The following LRRC37A2 variants were observed in gnomAD, a reference collection of about 807,000 sequenced individuals.
LRRC37A2 encodes the protein leucine rich repeat containing 37 member A2.
Under a neutral mutation model 68.8 loss-of-function variants are expected in LRRC37A2, and 9 were observed. The ratio of observed to expected loss-of-function variants is 0.13; its 90% CI spans 0.08 to 0.23. The LOEUF (loss-of-function observed/expected upper bound fraction) is 0.23, where lower values mean the gene tolerates loss of function less well. Ranked by LOEUF, LRRC37A2 falls within the 10% of genes least tolerant of loss-of-function variation. The pLI is 1.00. For missense variants in LRRC37A2, 168 were observed against 950.4 expected (o/e 0.18, Z 10.82); for synonymous variants, 63 against 367.6 (o/e 0.17, Z 9.48).
the LRRC37A2 span, among the ~76,000 whole-genome samples, chr17:46,901,150 T>C: frequency 1.3e-5 from 2 of 151,964 alleles, no homozygotes; most frequent in African/African-American, 4.8e-5. Flanking sequence ...TATTTATTTA[T>C]TTATTTTTAT....
the LRRC37A2 span, among the ~76,000 whole-genome samples, chr17:46,666,193 C>G: frequency 7.8e-6 from 1 of 128,996 alleles, no homozygotes; most frequent in African/African-American, 2.9e-5. Context: ...AGGTCAAGGG[C>G]TGTACACATG....
At chr17:46,533,346 A>AT (rs2054003473) in intron 6 of LRRC37A2, among the ~76,000 whole-genome samples, 1 of 79,498 alleles carries the variant, frequency 1.3e-5, no homozygotes, top group South Asian at 4.4e-4. Flanking sequence ...ATTAATTCCA[A>AT]CTTTGTTTCA....
the LRRC37A2 span, among the ~76,000 whole-genome samples, chr17:46,719,698 A>G: frequency 6.6e-6 from 1 of 152,158 alleles, no homozygotes; most frequent in Non-Finnish European, 1.5e-5. The surrounding 1 kb of genome is among the most constrained non-coding windows in gnomAD (Gnocchi z 4.3). Context: ...TTTTGCATCA[A>G]TACTTGTTTA....
chr17:46,557,981 T>C (rs1300229902), downstream of LRRC37A2, among the ~76,000 whole-genome samples: 1 of 132,850 alleles, frequency 7.5e-6, no homozygotes, highest in Non-Finnish European at 1.6e-5. Context: ...GCAGGCCATA[T>C]AGTATTGGAG....
the LRRC37A2 span, among the ~76,000 whole-genome samples, chr17:46,942,800 C>T: frequency 6.6e-6 from 1 of 152,346 alleles, no homozygotes; most frequent in African/African-American, 2.4e-5. Context: ...AGTGTCATTC[C>T]TTCCCCATTT....
chr17:46,819,164 G>T, the LRRC37A2 span, among the ~76,000 whole-genome samples: 1 of 152,166 alleles, frequency 6.6e-6, no homozygotes, highest in East Asian at 1.9e-4. This position sits in a 1 kb window ranked among gnomAD's most constrained non-coding sequence, Gnocchi z 5.3. Context: ...GCTCGGGCAG[G>T]TCAGGATCAG....
chr17:46,784,699 G>A, the LRRC37A2 span, among the ~76,000 whole-genome samples: 3 of 151,954 alleles, frequency 2.0e-5, no homozygotes, highest in South Asian at 6.2e-4. Flanking sequence ...AGGTCCCCAC[G>A]AGATGCACAG....
the LRRC37A2 span, among the ~76,000 whole-genome samples, chr17:46,926,137 C>T: frequency 6.6e-6 from 1 of 152,094 alleles, no homozygotes; most frequent in African/African-American, 2.4e-5. Context: ...TTTTCCTGAA[C>T]AGCGGAGCTT....
At chr17:46,771,747 G>C in the LRRC37A2 span, among the ~76,000 whole-genome samples, 1 of 97,910 alleles carries the variant, frequency 1.0e-5, no homozygotes, top group African/African-American at 3.7e-5. Context: ...CCATTGAAGC[G>C]GCGCCCCCCG....
At chr17:46,749,682 A>G in the LRRC37A2 span, 1 of 1,226,346 alleles carries the variant, frequency 8.2e-7, no homozygotes, top group East Asian at 2.5e-5. Context: ...AAGATTAAAT[A>G]AAAGTCTTTT....
the LRRC37A2 span, chr17:46,941,962 A>G: frequency 2.0e-6 from 2 of 985,084 alleles, no homozygotes; most frequent in African/African-American, 1.7e-5. Flanking sequence ...AGATGATCAC[A>G]TTGGTGTAAA....
the LRRC37A2 span, chr17:46,755,367 A>G: frequency 3.1e-6 from 5 of 1,612,490 alleles, no homozygotes; most frequent in Non-Finnish European, 3.4e-6. Flanking sequence ...GAGAAGAAGG[A>G]GCGTAAGTAC....
intron 6 of LRRC37A2, among the ~76,000 whole-genome samples, chr17:46,529,242 C>T (rs952050299): frequency 8.6e-6 from 1 of 116,232 alleles, no homozygotes; most frequent in African/African-American, 2.9e-5. Context: ...TGTGAGCTAC[C>T]TTTATTCTGT....
chr17:46,942,711 G>T, the LRRC37A2 span, among the ~76,000 whole-genome samples: 1 of 152,248 alleles, frequency 6.6e-6, no homozygotes, highest in Non-Finnish European at 1.5e-5. Context: ...CCCCTAGGGG[G>T]CGGCATAGCC....
At chr17:47,037,389 G>A in the LRRC37A2 span, among the ~76,000 whole-genome samples, 4 of 152,120 alleles carry the variant, frequency 2.6e-5, no homozygotes, top group African/African-American at 7.2e-5. Context: ...ACAGGCATGA[G>A]TTACCGTGCC....
chr17:46,923,918 A>G, the LRRC37A2 span: 1 of 398,516 alleles, frequency 2.5e-6, no homozygotes. Flanking sequence ...GGGGGGCAGA[A>G]TTATGATTTT....
At chr17:46,711,171 T>A in the LRRC37A2 span, 1 of 1,437,258 alleles carries the variant, frequency 7.0e-7, no homozygotes, top group African/African-American at 1.5e-5. Context: ...AAAAGCAGCA[T>A]TTTTTAAAAG....
the LRRC37A2 span, among the ~76,000 whole-genome samples, chr17:46,888,738 C>T: frequency 1.3e-5 from 2 of 152,150 alleles, no homozygotes; most frequent in African/African-American, 4.8e-5. Context: ...AGAACTCTCT[C>T]CCTGCCCCAG....
the LRRC37A2 span, among the ~76,000 whole-genome samples, chr17:46,909,536 A>G: frequency 6.6e-6 from 1 of 152,228 alleles, no homozygotes; most frequent in Non-Finnish European, 1.5e-5. Flanking sequence ...AAGCCAGTGT[A>G]TGCTTTACAG....
Sources: gnomAD v4.1 joint callset for allele counts (sites outside exome capture counted in the v4.1 genomes callset) on GRCh38, gnomAD v4.1.1 for gene constraint, Gnocchi (gnomAD v3.1) non-coding constraint, MANE v1.5 for transcripts, NCBI Gene and HGNC (gene_info 2026-07-23, HGNC 2026-07-21) for gene names.